Variants in NXN observed in about 807,000 individuals in gnomAD.
The protein encoded by NXN is nucleoredoxin 1.
In NXN, 16 loss-of-function variants were observed where a neutral mutation model predicts 48.6. That is an observed-to-expected ratio of 0.33 (90% confidence interval 0.22 to 0.50). The LOEUF is 0.50. NXN is among the 20% of genes least tolerant of loss of function. NXN has a pLI of 0.98. For synonymous variants in NXN, 281 were observed against 269.6 expected, an observed-to-expected ratio of 1.04 and a Z score of -0.41; for missense variants, 492 against 605.5, an observed-to-expected ratio of 0.81 and a Z score of 1.97.
chr17:822,323 G>A (rs1363562984), intron 4 of NXN, 34 bp downstream of exon 4: 8 of 1,477,586 alleles, frequency 5.4e-6, no homozygotes, highest in Non-Finnish European at 7.5e-6. Flanking sequence ...GCTACCTACA[G>A]AAAAGGGGCC....
chr17:961,700 T>A lies in NXN; in HGVS notation c.360+17619A>T, dbSNP rs978881648. On this transcript the variant is annotated intron_variant, in intron 1 of 7. Transcript: ENST00000336868. Reference sequence around the variant, plus strand: ...TAGGGCTCACTGAATCTTTGAAAAGTTTGCCTTTCATAATTTCTACTATCT... The same window carrying A: ...TAGGGCTCACTGAATCTTTGAAAAGATTGCCTTTCATAATTTCTACTATCT... 9.8e-5 allele frequency among the ~76,000 whole-genome samples: 15 copies of A among 152,340 alleles called. 2 individuals are homozygous for A. Among genetic ancestry groups the A allele is most frequent in the African/African-American group, 3.6e-4 (15 of 41,584 alleles).
intron 1 of NXN, among the ~76,000 whole-genome samples, chr17:852,952 C>G (rs1390101467): frequency 3.3e-5 from 5 of 152,030 alleles, no homozygotes; most frequent in Middle Eastern, 3.2e-3. Context: ...TGGATCTGAC[C>G]CAGGGGATGA....
intron 1 of NXN, among the ~76,000 whole-genome samples, chr17:977,455 T>C (rs539083656): frequency 6.6e-6 from 1 of 152,350 alleles, no homozygotes; most frequent in South Asian, 2.1e-4. Context: ...GTCCAGGGTA[T>C]AGAGAGCCAG....
intron 1 of NXN, among the ~76,000 whole-genome samples, chr17:940,022 C>T (rs1001172484): frequency 6.6e-6 from 1 of 151,790 alleles, no homozygotes; most frequent in Non-Finnish European, 1.5e-5. Flanking sequence ...TAGCCTCAAA[C>T]TGCCGGGATC....
intron 1 of NXN, among the ~76,000 whole-genome samples, chr17:971,413 T>C (rs948151431): frequency 2.6e-5 from 4 of 151,948 alleles, no homozygotes; most frequent in African/African-American, 7.3e-5. Flanking sequence ...AAAACACTCA[T>C]TGAGAAACAA....
intron 1 of NXN, among the ~76,000 whole-genome samples, chr17:916,275 G>A (rs905616177): frequency 2.0e-5 from 3 of 152,138 alleles, no homozygotes; most frequent in African/African-American, 7.2e-5. Flanking sequence ...GTGCTGTGAG[G>A]TTCCCGTGGT....
chr17:889,761 A>AAGAAAGGAAAGAGAAAG (rs1555619043), intron 1 of NXN, among the ~76,000 whole-genome samples: 1 of 70,780 alleles, frequency 1.4e-5, no homozygotes, highest in Non-Finnish European at 2.8e-5. Context: ...GAAAGAAAGA[A>AAGAAAGGAAAGAGAAAG]AAAGAAAGAA....
intron 5 of NXN, 89 bp downstream of exon 5, chr17:819,350 T>A: frequency 1.2e-6 from 1 of 867,932 alleles, no homozygotes; most frequent in African/African-American, 1.6e-5. Context: ...ATAATGATGC[T>A]CTTCTTCTTA....
intron 1 of NXN, among the ~76,000 whole-genome samples, chr17:971,636 G>A (rs189342062): frequency 2.0e-5 from 3 of 151,918 alleles, no homozygotes; most frequent in East Asian, 2.0e-4. Context: ...CGTGAACCGG[G>A]AAGGCGGAGC....
At chr17:877,446 G>A (rs1177370057) in intron 1 of NXN, among the ~76,000 whole-genome samples, 1 of 152,120 alleles carries the variant, frequency 6.6e-6, no homozygotes, top group Non-Finnish European at 1.5e-5. Flanking sequence ...GCGCCCGGCC[G>A]CGACTGTGTT....
intron 2 of NXN, among the ~76,000 whole-genome samples, chr17:824,841 G>A (rs978191674): frequency 6.6e-6 from 1 of 152,184 alleles, no homozygotes; most frequent in Non-Finnish European, 1.5e-5. Context: ...TCGCTTGGGG[G>A]CTGGGAAGGA....
At chr17:850,186 C>A (rs1160456370) in intron 1 of NXN, among the ~76,000 whole-genome samples, 1 of 152,176 alleles carries the variant, frequency 6.6e-6, no homozygotes, top group African/African-American at 2.4e-5. Flanking sequence ...GCAAAATCAC[C>A]TGACGGACGC....
intron 1 of NXN, among the ~76,000 whole-genome samples, chr17:852,688 C>T (rs982534170): frequency 1.3e-5 from 2 of 152,230 alleles, no homozygotes; most frequent in Admixed American, 6.5e-5. Context: ...TGAGTCAGCC[C>T]GGGCTATAGA....
At chr17:934,170 G>GCA (rs1318068963) in intron 1 of NXN, among the ~76,000 whole-genome samples, 1 of 152,076 alleles carries the variant, frequency 6.6e-6, no homozygotes, top group African/African-American at 2.4e-5. Flanking sequence ...GGGAGGCCGG[G>GCA]CGCGGTGGCT....
chr17:824,248 C>T (rs1294072486), intron 2 of NXN, among the ~76,000 whole-genome samples: 4 of 116,842 alleles, frequency 3.4e-5, no homozygotes, highest in Admixed American at 8.6e-5. Flanking sequence ...GGGGTTTCAC[C>T]GTGTTAGCCA....
chr17:873,493 CAAA>C (rs71145783), intron 1 of NXN, among the ~76,000 whole-genome samples: 6 of 74,970 alleles, frequency 8.0e-5, no homozygotes, highest in Admixed American at 1.7e-4. Context: ...ACACTGTCTC[CAAA>C]AAAAAAAAAA....
intron 1 of NXN, chr17:909,915 A>G: frequency 6.6e-6 from 1 of 152,288 alleles, no homozygotes; most frequent in Non-Finnish European, 1.5e-5. Flanking sequence ...ACAGAGGACA[A>G]CGTCTTAAAA....
Position 801,012 on chromosome 17 carries a change from G to T in NXN, c.1245C>A (p.Pro415=). The T allele has an allele frequency of 1.3e-6, 2 of 1,565,934 alleles. No homozygotes were observed. The highest frequency in any genetic ancestry group is 1.7e-6 in the Non-Finnish European group (2 of 1,154,022). ...KYVMDVEEIT[P]AIVEAFVNDF... is the part of the protein sequence containing the mutation. Reference sequence around the variant, plus strand: ...CATTCACAAAGGCCTCCACGATGGCGGGGGTGATCTCCTCCACGTCCATCA... The same window carrying T: ...CATTCACAAAGGCCTCCACGATGGCTGGGGTGATCTCCTCCACGTCCATCA... Residue 415 remains proline, a synonymous_variant, in exon 8 of 8, where the codon CCC becomes CCA. Coordinates refer to ENST00000336868, the MANE Select transcript of NXN (RefSeq NM_022463.5).
rs1913413863 is a variant in NXN at position 830,812 on chromosome 17, C to G, written c.361-4734G>C. Among the ~76,000 whole-genome samples the G allele has an allele frequency of 6.6e-6, 1 of 151,970 alleles. No individual in the cohort carries two copies. The highest frequency in any genetic ancestry group is 1.5e-5 in the Non-Finnish European group (1 of 67,976). ...GGTCAGGAGTTCGACAACAGCCTGG[C>G]CAACACGGTGAAAGCCCATCTCTAC... On this transcript the variant is annotated intron_variant, in intron 1 of 7. Transcript: ENST00000336868. The surrounding 1 kb of genome is among the most constrained non-coding windows in gnomAD (Gnocchi z 4.2).
Sources: allele counts gnomAD v4.1 joint callset (sites outside exome capture counted in the v4.1 genomes callset), GRCh38; gene constraint gnomAD v4.1.1; non-coding constraint Gnocchi (gnomAD v3.1); transcripts MANE v1.5; gene names NCBI Gene and HGNC (gene_info 2026-07-23, HGNC 2026-07-21).